The following ANXA4 variants were observed in gnomAD, a reference collection of about 807,000 sequenced individuals.
ANXA4 encodes 35-beta calcimedin.
A neutral mutation model predicts 49.8 loss-of-function variants in ANXA4; 39 were observed. The ratio of observed to expected loss-of-function variants is 0.78; its 90% CI spans 0.61 to 1.02. The LOEUF is 1.02. Among genes scored for constraint, ANXA4 ranks in the 50% least tolerant of loss-of-function variants. The pLI is 0.00. For synonymous variants in ANXA4, 134 were observed against 152.5 expected (o/e 0.88, Z 0.89); for missense variants, 360 against 410.1 (o/e 0.88, Z 1.05).
intron 2 of ANXA4, among the ~76,000 whole-genome samples, chr2:69,716,640 A>G (rs1038328982): frequency 6.6e-6 from 1 of 152,040 alleles, no homozygotes; most frequent in Non-Finnish European, 1.5e-5. Context: ...CACTCGGGAG[A>G]ACGGGTCTGA....
Position 69,654,564 on chromosome 2 carries a change from T to A in ANXA4, n.766+1282T>A, listed in dbSNP as rs1052259961. The stretch of plus-strand genomic sequence containing the variant: ...TAATCATGTAGTTTTTGTCATTGGT[T>A]CTGTTTATGTGATGGATTATGTTTA... On this transcript the variant is annotated intron_variant and non_coding_transcript_variant, in intron 2 of 3. Transcript: ENST00000418066. Among the ~76,000 whole-genome samples, 4 of 152,352 alleles carry A rather than the reference T, an allele frequency of 2.6e-5. 1 individual carries two copies. The highest frequency in any genetic ancestry group is 2.0e-4 in the Admixed American group (3 of 15,304).
At chr2:69,779,768 T>C (rs1672120498) in intron 1 of ANXA4, among the ~76,000 whole-genome samples, 1 of 152,252 alleles carries the variant, frequency 6.6e-6, no homozygotes, top group Non-Finnish European at 1.5e-5. Flanking sequence ...TTCAGTTCAC[T>C]TTGGCTTTTC....
chr2:69,816,841 T>G (rs1674015218), intron 9 of ANXA4: 1 of 152,232 alleles, frequency 6.6e-6, no homozygotes. Context: ...GATCTTTAAG[T>G]ACATTATAAT....
Position 69,731,718 on chromosome 2 carries a change from T to G in ANXA4, n.864+10847T>G, listed in dbSNP as rs186263571. On this transcript the variant is annotated intron_variant and non_coding_transcript_variant, in intron 3 of 3. Transcript: ENST00000418066. ...AGCTGTCATGCATCTGAGTAAAGGG[T>G]GGGGTAGGACACTTCCTTGGAAGCA... Among the ~76,000 whole-genome samples, 6 of 152,178 alleles carry G rather than the reference T, an allele frequency of 3.9e-5. No individual in the cohort carries two copies. In the East Asian group the frequency reaches 9.7e-4, roughly 25 times the overall value.
At chr2:69,819,469 G>A (rs1674139275) in intron 11 of ANXA4, 131 bp downstream of exon 11, 2 of 644,924 alleles carry the variant, frequency 3.1e-6, no homozygotes, top group Non-Finnish European at 5.5e-6. Flanking sequence ...ACTTCAGTGA[G>A]TGCCTGCTAA....
chr2:69,752,421 A>G (rs893658059), intron 1 of ANXA4, among the ~76,000 whole-genome samples: 1 of 152,196 alleles, frequency 6.6e-6, no homozygotes, highest in African/African-American at 2.4e-5. Context: ...GGGTACCAGG[A>G]AGGAAATCAA....
chr2:69,689,985 C>T (rs1677906567), intron 2 of ANXA4, among the ~76,000 whole-genome samples: 1 of 152,068 alleles, frequency 6.6e-6, no homozygotes, highest in Non-Finnish European at 1.5e-5. Context: ...TAAACAGTAG[C>T]ATACTATAGA....
upstream of ANXA4, among the ~76,000 whole-genome samples, chr2:69,739,974 A>G (rs920477324): frequency 2.6e-5 from 4 of 152,138 alleles, no homozygotes; most frequent in Non-Finnish European, 5.9e-5. Flanking sequence ...GAACTCTGGC[A>G]TATGAAGGGT....
chr2:69,771,238 G>T lies in ANXA4; in HGVS notation c.-46-10282G>T, dbSNP rs1671705159. Among the ~76,000 whole-genome samples, 3 of 152,146 alleles carry T rather than the reference G, an allele frequency of 2.0e-5. No individual in the cohort carries two copies. The South Asian group carries it at 6.2e-4, about 32-fold the overall frequency. On this transcript the variant is annotated intron_variant, in intron 1 of 12. Transcript: ENST00000394295. ...GGTGCTTGGCAACCATGGAACAAGG[G>T]AGTATTAGATGGACAGAATTCATCT...
At chr2:69,754,478 C>A (rs1670971017) in intron 1 of ANXA4, among the ~76,000 whole-genome samples, 1 of 152,136 alleles carries the variant, frequency 6.6e-6, no homozygotes, top group Non-Finnish European at 1.5e-5. Context: ...CCCAGACTGG[C>A]CTCAAACTCC....
intron 2 of ANXA4, among the ~76,000 whole-genome samples, chr2:69,659,184 A>G (rs907262188): frequency 1.3e-5 from 2 of 152,338 alleles, no homozygotes; most frequent in Admixed American, 1.3e-4. Context: ...GTGTTCATAT[A>G]TGTTTCAAGA....
chr2:69,757,260 ATATATATT>A (rs1340982920), intron 1 of ANXA4, among the ~76,000 whole-genome samples: 442 of 51,570 alleles, frequency 8.6e-3, no homozygotes, highest in Admixed American at 0.02. Context: ...ATATATATAT[ATATATATT>A]TTTTTTTTTT....
In ANXA4 at chr2:69,646,086, G is replaced by T. The variant is rs1487633264; in HGVS notation, n.481+1181G>T. The stretch of plus-strand genomic sequence containing the variant: ...ATAGTTAGAAACCCACGCACAAGCA[G>T]CATAGGACCAGGAGACAGGAAACCT... On this transcript the variant is annotated intron_variant and non_coding_transcript_variant, in intron 1 of 3. Coordinates refer to the ANXA4 transcript ENST00000418066. 1.7e-4 allele frequency among the ~76,000 whole-genome samples: 26 copies of T among 152,140 alleles called. 1 individual carries two copies. Among genetic ancestry groups the T allele is most frequent in the Admixed American group, 1.7e-3 (26 of 15,264 alleles).
At chr2:69,693,257 A>C (rs752529973) in intron 2 of ANXA4, among the ~76,000 whole-genome samples, 24 of 152,100 alleles carry the variant, frequency 1.6e-4, no homozygotes, top group Non-Finnish European at 3.4e-4. Context: ...AAGAGTCCTC[A>C]TCTGTGTTTA....
At chr2:69,716,080 T>TAG (rs1678873007) in intron 2 of ANXA4, among the ~76,000 whole-genome samples, 2 of 152,190 alleles carry the variant, frequency 1.3e-5, no homozygotes, top group African/African-American at 4.8e-5. Context: ...TATGTAAGTC[T>TAG]AGAGTTCTCT....
chr2:69,824,712 T>C (rs1224233336), intron 12 of ANXA4, among the ~76,000 whole-genome samples: 1 of 152,112 alleles, frequency 6.6e-6, no homozygotes, highest in African/African-American at 2.4e-5. Context: ...TAAATTATTT[T>C]ACCTGCATAC....
intron 3 of ANXA4, among the ~76,000 whole-genome samples, chr2:69,788,694 T>C (rs560451163): frequency 6.7e-6 from 1 of 149,928 alleles, no homozygotes; most frequent in Non-Finnish European, 1.5e-5. Context: ...AAAAATTAGC[T>C]GGGCGTGGTG....
chr2:69,786,791 G>A (rs997229453), intron 2 of ANXA4, among the ~76,000 whole-genome samples: 1 of 151,702 alleles, frequency 6.6e-6, no homozygotes, highest in South Asian at 2.1e-4. Flanking sequence ...GTATGATCTC[G>A]GCTCACTGCA....
At chr2:69,649,924 ATTTTTTTTTTT>A (rs35212855) in intron 1 of ANXA4, among the ~76,000 whole-genome samples, 28 of 52,040 alleles carry the variant, frequency 5.4e-4, no homozygotes, top group African/African-American at 2.3e-3. Context: ...GCCTGGCCTG[ATTTTTTTTTTT>A]TTTTTTTTTT....
Sources: gnomAD v4.1 joint callset for allele counts (sites outside exome capture counted in the v4.1 genomes callset) on GRCh38, gnomAD v4.1.1 for gene constraint, MANE v1.5 for transcripts, NCBI Gene and HGNC (gene_info 2026-07-23, HGNC 2026-07-21) for gene names.